NFYC: variants seen among roughly 807,000 people sequenced by gnomAD.
The protein encoded by NFYC is CAAT box DNA-binding protein subunit C.
Under a neutral mutation model 53.1 loss-of-function variants are expected in NFYC, and 25 were observed. The ratio of observed to expected loss-of-function variants is 0.47; its 90% CI spans 0.34 to 0.66. The LOEUF (loss-of-function observed/expected upper bound fraction) is 0.66. NFYC is among the 30% of genes least tolerant of loss of function. The pLI is 0.01. For missense variants in NFYC, 260 were observed against 422.7 expected, an observed-to-expected ratio of 0.62 and a Z score of 3.38; for synonymous variants, 145 against 152.6, an observed-to-expected ratio of 0.95 and a Z score of 0.37.
At chr1:40,743,352 G>A (rs1051253556) in intron 2 of NFYC, among the ~76,000 whole-genome samples, 5 of 152,184 alleles carry the variant, frequency 3.3e-5, no homozygotes, top group African/African-American at 4.8e-5. Flanking sequence ...CTATATTCCC[G>A]CACAGCAGAG....
chr1:40,760,554 A>G (rs1230363365), intron 6 of NFYC, among the ~76,000 whole-genome samples: 1 of 152,114 alleles, frequency 6.6e-6, no homozygotes, highest in African/African-American at 2.4e-5. Context: ...CCCCATCTCT[A>G]CTAAAAATAC....
intron 4 of NFYC, among the ~76,000 whole-genome samples, chr1:40,751,395 G>A (rs989029704): frequency 3.3e-5 from 5 of 152,108 alleles, no homozygotes; most frequent in Non-Finnish European, 7.4e-5. Flanking sequence ...GGGCTAGAAG[G>A]AACTTTCTAT....
intron 1 of NFYC, among the ~76,000 whole-genome samples, chr1:40,702,301 C>T (rs1384051207): frequency 1.3e-5 from 2 of 150,792 alleles, no homozygotes; most frequent in African/African-American, 4.9e-5. Context: ...GGTCATTGCT[C>T]AGAATGTTTC....
At chr1:40,746,373 G>A (rs897466721) in intron 2 of NFYC, among the ~76,000 whole-genome samples, 1 of 152,232 alleles carries the variant, frequency 6.6e-6, no homozygotes, top group Non-Finnish European at 1.5e-5. Flanking sequence ...TCATAAAATA[G>A]GTTCTGGGAA....
chr1:40,769,440 C>T, intron 9 of NFYC, 25 bp downstream of exon 9: 1 of 1,611,456 alleles, frequency 6.2e-7, no homozygotes. Context: ...CTGGGCTGGG[C>T]AGAGGGTGAG....
Sources: gnomAD v4.1 joint callset for allele counts (sites outside exome capture counted in the v4.1 genomes callset) on GRCh38, gnomAD v4.1.1 for gene constraint, MANE v1.5 for transcripts, NCBI Gene and HGNC (gene_info 2026-07-23, HGNC 2026-07-21) for gene names.